CDH4: variants seen among roughly 807,000 people sequenced by gnomAD.
CDH4 encodes the protein cadherin-4.
Under a neutral mutation model 86.0 loss-of-function variants are expected in CDH4, and 33 were observed. That is an observed-to-expected ratio of 0.38 (90% CI 0.29 to 0.51). The LOEUF (loss-of-function observed/expected upper bound fraction) is 0.51, where lower values mean the gene tolerates loss of function less well. Among genes scored for constraint, CDH4 ranks in the 20% least tolerant of loss-of-function variants. The pLI, the probability that CDH4 is intolerant of heterozygous loss-of-function variation, is 0.86. For missense variants in CDH4, 1,114 were observed against 1,307.4 expected (o/e 0.85, Z 2.28); for synonymous variants, 555 against 549.4 (o/e 1.01, Z -0.14).
At chr20:61,612,462 A>T (rs1326703628) in intron 2 of CDH4, among the ~76,000 whole-genome samples, 1 of 152,082 alleles carries the variant, frequency 6.6e-6, no homozygotes, top group Non-Finnish European at 1.5e-5. Flanking sequence ...CCTCCTTATC[A>T]GCAGCTGTGC....
rs2084174620 is a variant in CDH4, at chr20:61,269,818, G to C, written c.169+14881G>C. Among the ~76,000 whole-genome samples the C allele has an allele frequency of 6.6e-6, 1 of 152,054 alleles. No homozygotes were observed. Among genetic ancestry groups the C allele is most frequent in the South Asian group, 2.1e-4 (1 of 4,816 alleles). The stretch of plus-strand genomic sequence containing the variant: ...GAGGCTCCCGGCGGGGAGACTGTCA[G>C]ATAGCAACTCCATGTTCCCGACGCA... On this transcript the variant is annotated intron_variant, in intron 2 of 15. Coordinates refer to ENST00000614565, the MANE Select transcript of CDH4 (RefSeq NM_001794.5). The surrounding 1 kb of genome is among the most constrained non-coding windows in gnomAD (Gnocchi z 5.3).
At chr20:61,786,021 A>G (rs1056769999) in intron 4 of CDH4, among the ~76,000 whole-genome samples, 3 of 152,098 alleles carry the variant, frequency 2.0e-5, no homozygotes, top group Admixed American at 2.0e-4. Flanking sequence ...GACTGTGGAA[A>G]TCTCCCCTCT....
At chr20:61,887,387 T>C (rs1984593925) in intron 7 of CDH4, among the ~76,000 whole-genome samples, 1 of 150,220 alleles carries the variant, frequency 6.7e-6, no homozygotes, top group Non-Finnish European at 1.5e-5. Context: ...GGCAGTCAGC[T>C]GCACACACAC....
rs1235482384 is a variant in CDH4, at chr20:61,383,244, G to GA, written c.169+128308dup. Among the ~76,000 whole-genome samples the GA allele has an allele frequency of 5.8e-5, 5 of 86,596 alleles. 1 individual carries two copies. The highest frequency in any genetic ancestry group is 5.6e-4 in the East Asian group (2 of 3,554). The allele number at this position is 86,596 out of a possible 152,430, so 56.8% of individuals were successfully genotyped here. ...ATATATTATATATATGAATATATAT[G>GA]ATTATATATGAATATATGTGATATA... On this transcript the variant is annotated intron_variant, in intron 2 of 15. Coordinates refer to ENST00000614565, the MANE Select transcript of CDH4 (RefSeq NM_001794.5).
intron 4 of CDH4, among the ~76,000 whole-genome samples, chr20:61,823,108 G>A (rs1329092945): frequency 6.6e-6 from 1 of 152,128 alleles, no homozygotes; most frequent in Non-Finnish European, 1.5e-5. Context: ...CTTGCTTGGG[G>A]AAGGCTGGCC....
intron 2 of CDH4, among the ~76,000 whole-genome samples, chr20:61,634,472 A>G (rs2086926650): frequency 6.9e-6 from 1 of 145,480 alleles, no homozygotes; most frequent in Non-Finnish European, 1.5e-5. Context: ...CCACACCCAT[A>G]GATCTGCAGC....
rs960754269 is a variant in CDH4 at position 61,811,564 on chromosome 20, G to A, written c.577-33104G>A. On this transcript the variant is annotated intron_variant, in intron 4 of 15. Coordinates refer to ENST00000614565, the MANE Select transcript of CDH4 (RefSeq NM_001794.5). The surrounding 1 kb of genome is among the most constrained non-coding windows in gnomAD (Gnocchi z 4.4). ...AGCCCAGAACATCCCAGGGCTCCCT[G>A]GCCTTGCCAGTGCTACTGTGTGAAA... is the stretch of plus-strand genomic sequence containing the variant. 1.3e-5 allele frequency among the ~76,000 whole-genome samples: 2 copies of A among 152,260 alleles called. No individual in the cohort carries two copies. The highest frequency in any genetic ancestry group is 6.8e-3 in the Middle Eastern group (2 of 294).
At chr20:61,347,565 T>G (rs549403724) in intron 2 of CDH4, among the ~76,000 whole-genome samples, 17 of 152,364 alleles carry the variant, frequency 1.1e-4, no homozygotes, top group Non-Finnish European at 1.6e-4. Flanking sequence ...CAGTGCTATT[T>G]AAAATGAATT....
chr20:61,372,561 G>A (rs553799345), intron 2 of CDH4, among the ~76,000 whole-genome samples: 15 of 152,328 alleles, frequency 9.8e-5, no homozygotes, highest in African/African-American at 2.9e-4. Context: ...GAGCCCTGCC[G>A]GACCTCTGGA....
chr20:61,805,969 C>T (rs1180105888), intron 4 of CDH4, among the ~76,000 whole-genome samples: 6 of 152,220 alleles, frequency 3.9e-5, no homozygotes, highest in Admixed American at 1.3e-4. Flanking sequence ...TGGAAAGCTA[C>T]GCAGGCCCGC....
rs2085000635 is a variant in CDH4, at chr20:61,393,865, T to C, written c.169+138928T>C. Reference sequence around the variant, plus strand: ...GTTGCACCATGGGCTTCTCCTCTTCTGTAAAATGGGTCTGTAACGCCCCTG... The same window carrying C: ...GTTGCACCATGGGCTTCTCCTCTTCCGTAAAATGGGTCTGTAACGCCCCTG... On this transcript the variant is annotated intron_variant, in intron 2 of 15. Transcript: ENST00000614565. This position sits in a 1 kb window ranked among gnomAD's most constrained non-coding sequence, Gnocchi z 4.3. Among the ~76,000 whole-genome samples, 1 of 151,986 alleles carries C rather than the reference T, an allele frequency of 6.6e-6. No individual in the cohort carries two copies. The highest frequency in any genetic ancestry group is 2.1e-4 in the South Asian group (1 of 4,782).
At chr20:61,771,666 G>A (rs1369514236) in intron 3 of CDH4, among the ~76,000 whole-genome samples, 3 of 150,642 alleles carry the variant, frequency 2.0e-5, no homozygotes, top group Non-Finnish European at 2.9e-5. Flanking sequence ...AGTTGATGCT[G>A]TATGTATGCT....
chr20:61,910,301 G>T, intron 8 of CDH4, 121 bp from the exon 9 acceptor site: 1 of 829,390 alleles, frequency 1.2e-6, no homozygotes, highest in Non-Finnish European at 2.0e-6. Context: ...CACTCGAGCT[G>T]GGCTGACACG....
intron 2 of CDH4, among the ~76,000 whole-genome samples, chr20:61,512,652 C>A (rs1045974160): frequency 6.6e-6 from 1 of 152,212 alleles, no homozygotes; most frequent in Non-Finnish European, 1.5e-5. Context: ...CCCAAAGAGT[C>A]ACTGACATGC....
chr20:61,532,035 G>A (rs948731609), intron 2 of CDH4, among the ~76,000 whole-genome samples: 5 of 152,346 alleles, frequency 3.3e-5, no homozygotes, highest in African/African-American at 1.2e-4. Context: ...TAGAAGTGGC[G>A]CCTGTTGCCG....
intron 2 of CDH4, among the ~76,000 whole-genome samples, chr20:61,355,569 T>C (rs28404872): frequency 0.25 from 38,267 of 152,172 alleles, 5,059 homozygotes; most frequent in South Asian, 0.36. Context: ...GGTTATCTCA[T>C]TGAACACAAG....
In CDH4 at chr20:61,263,257, C is replaced by T. The variant is rs556408627; in HGVS notation, c.169+8320C>T. On this transcript the variant is annotated intron_variant, in intron 2 of 15. Transcript: ENST00000614565. The stretch of plus-strand genomic sequence containing the variant: ...GTCAAAAGGCTCAGAATTTTGGTGC[C>T]TTTTTGCCCGGGCTCTGGGCTGCCC... Among the ~76,000 whole-genome samples the T allele has an allele frequency of 5.3e-5, 8 of 152,248 alleles. No individual in the cohort carries two copies. The East Asian group carries it at 1.5e-3, about 29-fold the overall frequency.
At chr20:61,696,255 C>G (rs1038893687) in intron 2 of CDH4, among the ~76,000 whole-genome samples, 1 of 152,240 alleles carries the variant, frequency 6.6e-6, no homozygotes, top group Non-Finnish European at 1.5e-5. Flanking sequence ...AAGGCCGACT[C>G]GGGCACAGAA....
chr20:61,880,294 G>A (rs938095240), intron 7 of CDH4, among the ~76,000 whole-genome samples: 1 of 152,204 alleles, frequency 6.6e-6, no homozygotes. Flanking sequence ...TGGGGCAGGC[G>A]GGGTTCAGCG....
Sources: gnomAD v4.1 joint callset for allele counts (sites outside exome capture counted in the v4.1 genomes callset) on GRCh38, gnomAD v4.1.1 for gene constraint, Gnocchi (gnomAD v3.1) non-coding constraint, MANE v1.5 for transcripts, NCBI Gene and HGNC (gene_info 2026-07-23, HGNC 2026-07-21) for gene names.